The following FAM53B variants were observed in gnomAD, a reference collection of about 807,000 sequenced individuals.
The protein encoded by FAM53B is protein FAM53B.
A neutral mutation model predicts 32.7 loss-of-function variants in FAM53B; 12 were observed. That is an observed-to-expected ratio of 0.37 (90% CI 0.24 to 0.59). The LOEUF (loss-of-function observed/expected upper bound fraction) is 0.59. Among genes scored for constraint, FAM53B ranks in the 20% least tolerant of loss-of-function variants. The pLI, the probability that FAM53B is intolerant of heterozygous loss-of-function variation, is 0.72. For synonymous variants in FAM53B, 234 were observed against 228.7 expected (o/e 1.02, Z -0.21); for missense variants, 477 against 577.7 (o/e 0.83, Z 1.79).
At chr10:124,717,605 A>G (rs1950044953) in intron 1 of FAM53B, among the ~76,000 whole-genome samples, 1 of 152,188 alleles carries the variant, frequency 6.6e-6, no homozygotes, top group Non-Finnish European at 1.5e-5. Context: ...GACTCTTCCA[A>G]TGGGTGGGAC....
intron 4 of FAM53B, among the ~76,000 whole-genome samples, chr10:124,677,969 C>CAGGCT (rs1235717880): frequency 1.3e-5 from 2 of 152,340 alleles, no homozygotes; most frequent in East Asian, 1.9e-4. Context: ...GAGTTGACTA[C>CAGGCT]AGGCTGAGCT....
At chr10:124,714,302 T>C (rs1459055806) in intron 1 of FAM53B, 1 of 151,548 alleles carries the variant, frequency 6.6e-6, no homozygotes, top group African/African-American at 2.4e-5. Flanking sequence ...GGAAAGAGAG[T>C]CTGGTGTTTC....
At chr10:124,639,589 A>C (rs961396646) in intron 4 of FAM53B, among the ~76,000 whole-genome samples, 1 of 152,184 alleles carries the variant, frequency 6.6e-6, no homozygotes, top group African/African-American at 2.4e-5. Flanking sequence ...CTCAGGCTCC[A>C]GAAGGGTTGG....
At chr10:124,659,807 CTT>C (rs1949617647) in intron 4 of FAM53B, among the ~76,000 whole-genome samples, 1 of 152,238 alleles carries the variant, frequency 6.6e-6, no homozygotes, top group African/African-American at 2.4e-5. Flanking sequence ...GTCAACTTTG[CTT>C]TTGTTTTGTT....
Position 124,620,344 on chromosome 10 carries a change from T to C in FAM53B, c.*2898A>G, listed in dbSNP as rs534225144. ...GTGGCTTTGGAATGAGTGGGGTGCA[T>C]GTGGCACTAAGCCCCCCCCACCGCC... On this transcript the variant is annotated 3_prime_UTR_variant, in exon 5 of 5. Transcript: ENST00000337318. 1 of 145,254 alleles carries C rather than the reference T, an allele frequency of 6.9e-6. No homozygotes were observed. The highest frequency in any genetic ancestry group is 2.6e-5 in the African/African-American group (1 of 38,554). 9.0% of individuals were successfully genotyped at this position (145,254 alleles called of 1,614,324 possible).
In FAM53B at chr10:124,623,188, G is replaced by C. The variant is rs537153015; in HGVS notation, c.*54C>G. ...CCTTCAAGGGCCCACCTAGTGCCCA[G>C]AGTGGGGGCTGTCGATGCCAGCACA... On this transcript the variant is annotated 3_prime_UTR_variant, in exon 5 of 5. Coordinates refer to ENST00000337318, the MANE Select transcript of FAM53B (RefSeq NM_014661.4). 1 of 1,522,630 alleles carries C rather than the reference G, an allele frequency of 6.6e-7. No homozygotes were observed. Among genetic ancestry groups the C allele is most frequent in the Admixed American group, 2.1e-5 (1 of 47,668 alleles). The allele number at this position is 1,522,630 out of a possible 1,614,324, so 94.3% of individuals were successfully genotyped here.
Position 124,736,463 on chromosome 10 carries a change from G to A in FAM53B, c.-175+7550C>T, listed in dbSNP as rs1338010796. ...GGCTCCTTCTCCTCACCCAGATCAT[G>A]GAGACACCCAGCTGCAGAGAACTTA... On this transcript the variant is annotated intron_variant, in intron 1 of 4. Coordinates refer to ENST00000337318, the MANE Select transcript of FAM53B (RefSeq NM_014661.4). Among the ~76,000 whole-genome samples, 4 of 152,390 alleles carry A rather than the reference G, an allele frequency of 2.6e-5. No individual in the cohort carries two copies. In the East Asian group the frequency reaches 5.8e-4, roughly 22 times the overall value.
intron 1 of FAM53B, among the ~76,000 whole-genome samples, chr10:124,715,430 T>C (rs1950033384): frequency 6.6e-6 from 1 of 152,168 alleles, no homozygotes; most frequent in African/African-American, 2.4e-5. Context: ...CACAATGGCT[T>C]CTTGCAACCC....
intron 4 of FAM53B, among the ~76,000 whole-genome samples, chr10:124,676,764 C>T (rs1244870724): frequency 6.6e-6 from 1 of 152,174 alleles, no homozygotes; most frequent in African/African-American, 2.4e-5. Context: ...CCTGGACTCA[C>T]CCCCAGGAAT....
chr10:124,725,764 C>T (rs958188772), intron 1 of FAM53B, among the ~76,000 whole-genome samples: 1 of 152,152 alleles, frequency 6.6e-6, no homozygotes, highest in Non-Finnish European at 1.5e-5. Context: ...CCAACTATCA[C>T]GGTGAGAGTG....
intron 2 of FAM53B, among the ~76,000 whole-genome samples, chr10:124,705,126 G>A (rs1317063723): frequency 1.3e-5 from 2 of 152,186 alleles, no homozygotes; most frequent in East Asian, 3.9e-4. Flanking sequence ...TGCAGCTGGG[G>A]GTGACACCCC....
intron 4 of FAM53B, among the ~76,000 whole-genome samples, chr10:124,666,416 C>G (rs1222974609): frequency 6.6e-6 from 1 of 152,254 alleles, no homozygotes; most frequent in Non-Finnish European, 1.5e-5. Flanking sequence ...GGGCTCACCC[C>G]GAAGAGCTCC....
rs546271994 is a variant in FAM53B, at chr10:124,732,203, G to A, written c.-175+11810C>T. On this transcript the variant is annotated intron_variant, in intron 1 of 4. Transcript: ENST00000337318. ...AACAAGTGCCTGGGCTCCAGCTCTCGCCTGTGCCTACACTCAGGGCTAAAA... is the reference window on the plus strand; with the variant it reads ...AACAAGTGCCTGGGCTCCAGCTCTCACCTGTGCCTACACTCAGGGCTAAAA... Among the ~76,000 whole-genome samples, 7 of 152,296 alleles carry A rather than the reference G, an allele frequency of 4.6e-5. No homozygotes were observed. In the East Asian group the frequency reaches 1.2e-3, roughly 25 times the overall value.
At chr10:124,724,134 C>T (rs1055601181) in intron 1 of FAM53B, among the ~76,000 whole-genome samples, 13 of 152,160 alleles carry the variant, frequency 8.5e-5, no homozygotes, top group African/African-American at 2.9e-4. Context: ...AGAAGTGAGC[C>T]TGGAATTCCA....
intron 4 of FAM53B, among the ~76,000 whole-genome samples, chr10:124,641,234 A>C (rs1190156623): frequency 6.6e-6 from 1 of 152,212 alleles, no homozygotes; most frequent in Non-Finnish European, 1.5e-5. Context: ...TGTTGGATTC[A>C]CTTCAACATG....
intron 4 of FAM53B, among the ~76,000 whole-genome samples, chr10:124,626,466 A>G (rs1394832275): frequency 6.7e-6 from 1 of 149,880 alleles, no homozygotes; most frequent in Non-Finnish European, 1.5e-5. Context: ...GGGCCTTCAC[A>G]GATGGGATGA....
At chr10:124,680,965 G>T (rs1949766743) in intron 4 of FAM53B, among the ~76,000 whole-genome samples, 1 of 152,186 alleles carries the variant, frequency 6.6e-6, no homozygotes, top group Non-Finnish European at 1.5e-5. Context: ...CAATATCCAA[G>T]ATCAGTGTTA....
chr10:124,643,710 C>G (rs916921853), intron 4 of FAM53B, among the ~76,000 whole-genome samples: 4 of 152,256 alleles, frequency 2.6e-5, no homozygotes, highest in African/African-American at 9.6e-5. Flanking sequence ...GCCGCCATCC[C>G]GAACCAGGCT....
At chr10:124,643,520 C>T (rs545369660) in intron 4 of FAM53B, among the ~76,000 whole-genome samples, 75 of 152,380 alleles carry the variant, frequency 4.9e-4, no homozygotes, top group Non-Finnish European at 8.8e-4. Context: ...CGGGCCCGGC[C>T]GCCCAAACAG....
Sources: gnomAD v4.1 joint callset for allele counts (sites outside exome capture counted in the v4.1 genomes callset) on GRCh38, gnomAD v4.1.1 for gene constraint, MANE v1.5 for transcripts, NCBI Gene and HGNC (gene_info 2026-07-23, HGNC 2026-07-21) for gene names.